Variants in SMARCAD1 observed in about 807,000 individuals in gnomAD.
The protein encoded by SMARCAD1 is SNF2 related chromatin remodeling ATPase with DExD box 1, also known as SWI/SNF-related matrix-associated actin-dependent regulator of chromatin subfamily A containing DEAD/H box 1.
A neutral mutation model predicts 127.1 loss-of-function variants in SMARCAD1; 25 were observed. The ratio of observed to expected loss-of-function variants is 0.20; its 90% CI spans 0.14 to 0.27. The LOEUF is 0.27. Ranked by LOEUF, SMARCAD1 falls within the 10% of genes least tolerant of loss-of-function variation. The pLI is 1.00. For synonymous variants in SMARCAD1, 400 were observed against 396.9 expected (o/e 1.01, Z -0.09); for missense variants, 807 against 1,206.0 (o/e 0.67, Z 4.90).
chr4:94,234,119 T>G lies in SMARCAD1; in HGVS notation c.534T>G (p.Leu178=). 6.3e-7 allele frequency: 1 copy of G among 1,594,834 alleles called. No homozygotes were observed. Among genetic ancestry groups the G allele is most frequent in the Non-Finnish European group, 8.6e-7 (1 of 1,168,656 alleles). Residue 178 remains leucine, a synonymous_variant, in exon 4 of 24, where the codon CTT becomes CTG. Transcript: ENST00000354268. ...LFPQRSDNDL[L]KLIESTSTMD... The stretch of plus-strand genomic sequence containing the variant: ...CACAAAGAAGTGACAATGATTTACT[T>G]AAGGTTATATTCATTGGTTATTGTA...
At chr4:94,230,259 T>C (rs1745629650) in intron 3 of SMARCAD1, among the ~76,000 whole-genome samples, 1 of 152,114 alleles carries the variant, frequency 6.6e-6, no homozygotes. Flanking sequence ...CCAGTTTGTT[T>C]AGTTCATTGT....
intron 10 of SMARCAD1, among the ~76,000 whole-genome samples, chr4:94,265,888 TA>T (rs1751673277): frequency 6.6e-6 from 1 of 152,058 alleles, no homozygotes; most frequent in African/African-American, 2.4e-5. Context: ...AGGATCTCAT[TA>T]AAATTAATTG....
chr4:94,281,169 A>C (rs1358257700), intron 20 of SMARCAD1, among the ~76,000 whole-genome samples: 5 of 152,340 alleles, frequency 3.3e-5, no homozygotes, highest in South Asian at 2.1e-4. Flanking sequence ...ATACATACAT[A>C]AGCAGTTGTC....
At chr4:94,219,984 T>C (rs977233699) in intron 2 of SMARCAD1, among the ~76,000 whole-genome samples, 3 of 152,252 alleles carry the variant, frequency 2.0e-5, no homozygotes, top group African/African-American at 7.2e-5. Context: ...TGCTTTTCAC[T>C]ATTCTTTCCT....
At chr4:94,283,341 G>A (rs1754369063) in intron 22 of SMARCAD1, 38 bp downstream of exon 22, 2 of 1,586,058 alleles carry the variant, frequency 1.3e-6, no homozygotes, top group African/African-American at 1.3e-5. Flanking sequence ...TTAATTCAGT[G>A]CCACTTTAAT....
Position 94,226,197 on chromosome 4 carries a change from A to T in SMARCAD1, c.269A>T (p.Gln90Leu), listed in dbSNP as rs760074639. 1.2e-6 allele frequency: 2 copies of T among 1,611,662 alleles called. No individual in the cohort carries two copies. The highest frequency in any genetic ancestry group is 2.2e-5 in the South Asian group (2 of 91,034). The part of the protein sequence containing the change: ...ISYFKNQRGI[Q>L]YIDLSSDSED... Reference sequence around the variant, plus strand: ...TATTTCAAAAATCAAAGAGGAATACAGTATATTGATTTGTCTTCTGATAGT... The same window carrying T: ...TATTTCAAAAATCAAAGAGGAATACTGTATATTGATTTGTCTTCTGATAGT... The change falls in exon 3 of 24, where the codon CAG becomes CTG. Residue 90 changes from glutamine to leucine, a missense_variant. Around this residue, in one of 8 missense-constraint regions of SMARCAD1, gnomAD observed 175 missense variants for 169.5 expected, o/e 1.03. Transcript: ENST00000354268.
At chr4:94,261,567 A>G (rs1007057122) in intron 9 of SMARCAD1, among the ~76,000 whole-genome samples, 3 of 152,222 alleles carry the variant, frequency 2.0e-5, no homozygotes, top group East Asian at 1.9e-4. Context: ...ATTATTTACC[A>G]TGTGGTGTAT....
chr4:94,280,053 T>C (rs1753809505), intron 19 of SMARCAD1, among the ~76,000 whole-genome samples: 1 of 152,112 alleles, frequency 6.6e-6, no homozygotes, highest in African/African-American at 2.4e-5. Flanking sequence ...TTAGTAGAGA[T>C]GGGGTTTCAC....
intron 12 of SMARCAD1, among the ~76,000 whole-genome samples, chr4:94,274,474 G>A (rs1752986002): frequency 6.6e-6 from 1 of 151,988 alleles, no homozygotes; most frequent in Non-Finnish European, 1.5e-5. Flanking sequence ...CCGCCACCAT[G>A]CCTGGCTAAT....
At chr4:94,255,752 A>T (rs375539863) in intron 9 of SMARCAD1, among the ~76,000 whole-genome samples, 2 of 125,272 alleles carry the variant, frequency 1.6e-5, no homozygotes, top group East Asian at 3.1e-4. Context: ...GATTTTTTTT[A>T]AAGTATATTA....
chr4:94,208,708 T>C, intron 2 of SMARCAD1, 124 bp downstream of exon 2: 1 of 937,040 alleles, frequency 1.1e-6, no homozygotes. Context: ...CGGTGTGCCC[T>C]TTTAAATACA....
intron 22 of SMARCAD1, among the ~76,000 whole-genome samples, chr4:94,284,340 A>T (rs1273943538): frequency 9.6e-6 from 1 of 104,048 alleles, no homozygotes; most frequent in African/African-American, 3.0e-5. Context: ...AAAAAAAAAA[A>T]AAAAAAAAAA....
chr4:94,231,395 G>A (rs1745829958), intron 3 of SMARCAD1, among the ~76,000 whole-genome samples: 2 of 152,146 alleles, frequency 1.3e-5, no homozygotes, highest in Admixed American at 1.3e-4. Flanking sequence ...TAACAGGAAG[G>A]AACTTCTTTA....
At chr4:94,284,843 T>G (rs1579376519) in intron 22 of SMARCAD1, 117 bp from the exon 23 acceptor site, 1 of 690,782 alleles carries the variant, frequency 1.4e-6, no homozygotes, top group East Asian at 2.7e-5. Context: ...TAAAAGAATT[T>G]AAGGATATGT....
intron 22 of SMARCAD1, among the ~76,000 whole-genome samples, chr4:94,284,600 T>C (rs1579375243): frequency 6.6e-6 from 1 of 151,096 alleles, no homozygotes; most frequent in East Asian, 1.9e-4. Flanking sequence ...TCGTTTTTTT[T>C]TTTAAGTGGA....
At chr4:94,258,789 A>G (rs2125933183) in intron 9 of SMARCAD1, among the ~76,000 whole-genome samples, 1 of 152,332 alleles carries the variant, frequency 6.6e-6, no homozygotes, top group African/African-American at 2.4e-5. Flanking sequence ...GAAAGTCTAA[A>G]AATTAAATGC....
chr4:94,220,298 A>G (rs1363751231), intron 2 of SMARCAD1, among the ~76,000 whole-genome samples: 2 of 152,034 alleles, frequency 1.3e-5, no homozygotes, highest in Non-Finnish European at 2.9e-5. Context: ...CCCAGGCTGG[A>G]GTGCAATGGC....
chr4:94,243,640 A>G (rs1416252657), intron 6 of SMARCAD1, among the ~76,000 whole-genome samples: 3 of 152,216 alleles, frequency 2.0e-5, no homozygotes, highest in Non-Finnish European at 4.4e-5. Context: ...GCATAATCCA[A>G]AATTTGCATG....
intron 2 of SMARCAD1, among the ~76,000 whole-genome samples, chr4:94,223,231 A>T (rs547553322): frequency 6.6e-6 from 1 of 152,060 alleles, no homozygotes; most frequent in Non-Finnish European, 1.5e-5. Context: ...GTGGTAGCTC[A>T]CATCTGTAAT....
Sources: gnomAD v4.1 joint callset for allele counts (sites outside exome capture counted in the v4.1 genomes callset) on GRCh38, gnomAD v4.1.1 for gene constraint, gnomAD v4.1.1 regional missense constraint, MANE v1.5 for transcripts, NCBI Gene and HGNC (gene_info 2026-07-23, HGNC 2026-07-21) for gene names.